Variants in APBA2 observed in about 807,000 individuals in gnomAD.
APBA2 encodes amyloid-beta A4 precursor protein-binding family A member 2.
APBA2 carries 30 observed loss-of-function variants against 75.0 expected under a neutral mutation model. The ratio of observed to expected loss-of-function variants is 0.40; its 90% CI spans 0.30 to 0.54. The LOEUF (loss-of-function observed/expected upper bound fraction) is 0.54, where lower values mean the gene tolerates loss of function less well. Ranked by LOEUF, APBA2 falls within the 20% of genes least tolerant of loss-of-function variation. APBA2 has a pLI of 0.49. For synonymous variants in APBA2, 444 were observed against 409.6 expected (o/e 1.08, Z -1.01); for missense variants, 801 against 1,016.1 (o/e 0.79, Z 2.88).
chr15:29,053,729 G>T, intron 3 of APBA2, 116 bp from the exon 4 acceptor site: 1 of 652,692 alleles, frequency 1.5e-6, no homozygotes, highest in Non-Finnish European at 2.7e-6. Flanking sequence ...TTGAACAGAT[G>T]TGCCCTCACA....
intron 6 of APBA2, among the ~76,000 whole-genome samples, chr15:29,080,431 T>C (rs1001215075): frequency 3.3e-5 from 5 of 152,086 alleles, no homozygotes; most frequent in Admixed American, 2.6e-4. Context: ...CCAGAGCTCC[T>C]GGCCTTGTCA....
At chr15:29,093,885 CG>C (rs2043711722) in intron 7 of APBA2, among the ~76,000 whole-genome samples, 1 of 152,152 alleles carries the variant, frequency 6.6e-6, no homozygotes, top group Admixed American at 6.5e-5. Flanking sequence ...TGAGGCCATC[CG>C]GGGTGGGCAG....
At chr15:28,888,511 C>A (rs1460854348) in intron 1 of APBA2, among the ~76,000 whole-genome samples, 1 of 152,184 alleles carries the variant, frequency 6.6e-6, no homozygotes. Context: ...TCCTGGCTGT[C>A]CTCTGCCACG....
intron 2 of APBA2, among the ~76,000 whole-genome samples, chr15:28,988,620 T>G (rs1337606648): frequency 6.6e-6 from 1 of 152,194 alleles, no homozygotes; most frequent in African/African-American, 2.4e-5. Flanking sequence ...TGAAAACAGG[T>G]GGCTGTATTT....
At chr15:28,950,932 T>C (rs1021122684) in intron 2 of APBA2, among the ~76,000 whole-genome samples, 1 of 152,248 alleles carries the variant, frequency 6.6e-6, no homozygotes, top group African/African-American at 2.4e-5. Context: ...CAGCTTTGAC[T>C]ATATGAAGCT....
chr15:29,094,150 C>T (rs562956926), intron 7 of APBA2, 128 bp from the exon 8 acceptor site: 19 of 962,238 alleles, frequency 2.0e-5, no homozygotes, highest in African/African-American at 6.4e-5. Flanking sequence ...GCTGTCCACC[C>T]GTCCCTGCTG....
intron 4 of APBA2, among the ~76,000 whole-genome samples, chr15:29,063,553 T>TC (rs2042242932): frequency 3.2e-5 from 4 of 126,340 alleles, no homozygotes; most frequent in Middle Eastern, 5.3e-3. Context: ...GGAGTTGATC[T>TC]GGTCAGTGTC....
chr15:28,933,384 G>A (rs1037038970), intron 2 of APBA2, among the ~76,000 whole-genome samples: 3 of 152,134 alleles, frequency 2.0e-5, no homozygotes, highest in Non-Finnish European at 4.4e-5. Flanking sequence ...GAGCCATCAC[G>A]CAGGTACTCA....
At chr15:29,049,597 C>T (rs1310064136) in intron 3 of APBA2, among the ~76,000 whole-genome samples, 2 of 152,146 alleles carry the variant, frequency 1.3e-5, no homozygotes, top group Non-Finnish European at 2.9e-5. Flanking sequence ...AATACAGGCA[C>T]CTCTTCACAT....
At chr15:29,019,509 T>C (rs145657845) in intron 3 of APBA2, among the ~76,000 whole-genome samples, 1 of 152,352 alleles carries the variant, frequency 6.6e-6, no homozygotes, top group African/African-American at 2.4e-5. Context: ...TAGTGTGTTT[T>C]CCTTCATTAT....
intron 2 of APBA2, among the ~76,000 whole-genome samples, chr15:28,988,692 C>T (rs2038058129): frequency 6.6e-6 from 1 of 152,160 alleles, no homozygotes; most frequent in African/African-American, 2.4e-5. Flanking sequence ...TGTCGTTCTC[C>T]ATTGATGGAT....
chr15:28,902,698 T>C (rs766154917), intron 1 of APBA2, among the ~76,000 whole-genome samples: 2 of 152,188 alleles, frequency 1.3e-5, no homozygotes, highest in Non-Finnish European at 2.9e-5. Flanking sequence ...TGGAGTCTGC[T>C]CAGTTTTTCT....
chr15:28,944,697 G>C (rs955387427), intron 2 of APBA2, among the ~76,000 whole-genome samples: 4 of 152,246 alleles, frequency 2.6e-5, no homozygotes, highest in Non-Finnish European at 5.9e-5. Flanking sequence ...GTACTGTGCA[G>C]AGATACGTGC....
intron 7 of APBA2, 65 bp from the exon 8 acceptor site, chr15:29,094,213 A>G (rs567977495): frequency 1.2e-5 from 19 of 1,576,312 alleles, no homozygotes; most frequent in Admixed American, 1.7e-5. Context: ...CCAAAGTGAC[A>G]TAACCTCACG....
intron 2 of APBA2, among the ~76,000 whole-genome samples, chr15:28,975,167 A>G (rs2037268016): frequency 6.6e-6 from 1 of 152,196 alleles, no homozygotes. Context: ...AGGAAAATAT[A>G]ATTTATTCAG....
At chr15:29,015,824 G>A (rs892752850) in intron 3 of APBA2, among the ~76,000 whole-genome samples, 1 of 152,180 alleles carries the variant, frequency 6.6e-6, no homozygotes, top group African/African-American at 2.4e-5. Flanking sequence ...AGGAGGCAGG[G>A]ACCCTGGCCA....
At chr15:28,973,871 C>A (rs568612034) in intron 2 of APBA2, among the ~76,000 whole-genome samples, 85 of 152,150 alleles carry the variant, frequency 5.6e-4, no homozygotes, top group African/African-American at 2.0e-3. Flanking sequence ...AAAATATAGA[C>A]CTTAAATACC....
At chr15:28,899,258 T>C (rs182054901) in intron 1 of APBA2, among the ~76,000 whole-genome samples, 146 of 152,336 alleles carry the variant, frequency 9.6e-4, no homozygotes, top group African/African-American at 3.3e-3. Context: ...CCCATCTCCT[T>C]TGCCTACGTC....
chr15:29,021,750 TACTC>T lies in APBA2; in HGVS notation c.-41+25946_-41+25949del, dbSNP rs374201962. ...TGCTTTATAGTAAATCTCCAGAACT[TACTC>T]AGCTCGGACAGCTGATACCGTGTAC... On this transcript the variant is annotated intron_variant, in intron 3 of 14. Coordinates refer to ENST00000683413, the MANE Select transcript of APBA2 (RefSeq NM_001353788.2). 6.6e-4 allele frequency among the ~76,000 whole-genome samples: 101 copies of T among 152,246 alleles called. No homozygotes were observed. The East Asian group carries it at 0.011, about 17-fold the overall frequency.
Sources: allele counts gnomAD v4.1 joint callset (sites outside exome capture counted in the v4.1 genomes callset), GRCh38; gene constraint gnomAD v4.1.1; transcripts MANE v1.5; gene names NCBI Gene and HGNC (gene_info 2026-07-23, HGNC 2026-07-21).